The following RARB variants were observed in gnomAD, a reference collection of about 807,000 sequenced individuals.
RARB encodes the protein HBV-activated protein.
Under a neutral mutation model 51.9 loss-of-function variants are expected in RARB, and 17 were observed. The observed-to-expected ratio is 0.33, with a 90% CI of 0.22 to 0.49. RARB has a LOEUF of 0.49. Among genes scored for constraint, RARB ranks in the 20% least tolerant of loss-of-function variants. RARB has a pLI of 0.99. For missense variants in RARB, 369 were observed against 550.8 expected, an observed-to-expected ratio of 0.67 and a Z score of 3.30; for synonymous variants, 215 against 195.4, an observed-to-expected ratio of 1.10 and a Z score of -0.84.
rs1191249117 is a variant in RARB, at chr3:24,992,918, G to GT, written c.-379-67203dup. On this transcript the variant is annotated intron_variant, in intron 2 of 11. Transcript: ENST00000383772. ...CAACCAATTGCATAGATTTATTTGA[G>GT]TTTTCTACTTTTTAAATTATTCTTT... Among the ~76,000 whole-genome samples, 2 of 151,950 alleles carry GT rather than the reference G, an allele frequency of 1.3e-5. 1 individual carries two copies. The highest frequency in any genetic ancestry group is 2.9e-5 in the Non-Finnish European group (2 of 67,958).
At chr3:25,028,573 G>A (rs566522067) in intron 2 of RARB, among the ~76,000 whole-genome samples, 1 of 152,260 alleles carries the variant, frequency 6.6e-6, no homozygotes, top group South Asian at 2.1e-4. Context: ...AACAGTTATA[G>A]GTACAGAGTG....
chr3:24,995,471 C>G (rs866582757), intron 2 of RARB, among the ~76,000 whole-genome samples: 1 of 151,956 alleles, frequency 6.6e-6, no homozygotes, highest in East Asian at 1.9e-4. Context: ...CTTTGTCTTG[C>G]CAAATTTCTC....
chr3:25,534,867 G>A (rs1383458245), intron 3 of RARB, among the ~76,000 whole-genome samples: 1 of 152,114 alleles, frequency 6.6e-6, no homozygotes, highest in Non-Finnish European at 1.5e-5. Flanking sequence ...CTGAGGAGGT[G>A]GAGGCCATCA....
chr3:24,915,713 T>A (rs5015065), intron 2 of RARB, among the ~76,000 whole-genome samples: 1 of 151,960 alleles, frequency 6.6e-6, no homozygotes, highest in Non-Finnish European at 1.5e-5. Flanking sequence ...TCAACTGATA[T>A]GTGACATGAG....
At chr3:25,192,649 T>G (rs1701133102) in intron 5 of RARB, among the ~76,000 whole-genome samples, 1 of 152,006 alleles carries the variant, frequency 6.6e-6, no homozygotes, top group African/African-American at 2.4e-5. Flanking sequence ...TAATTAGGGG[T>G]TACCTCTGGC....
At chr3:25,434,677 G>T (rs1221175189) in intron 1 of RARB, among the ~76,000 whole-genome samples, 2 of 151,744 alleles carry the variant, frequency 1.3e-5, no homozygotes, top group African/African-American at 2.4e-5. Context: ...GAGTAGCTGG[G>T]ACTACAGGCG....
At chr3:25,585,311 T>C (rs1701341686) in intron 5 of RARB, among the ~76,000 whole-genome samples, 1 of 152,116 alleles carries the variant, frequency 6.6e-6, no homozygotes, top group Non-Finnish European at 1.5e-5. Flanking sequence ...ATTTTGCAGG[T>C]GAGGCAGCTG....
At chr3:25,010,897 T>C (rs1022994580) in intron 2 of RARB, among the ~76,000 whole-genome samples, 1 of 152,114 alleles carries the variant, frequency 6.6e-6, no homozygotes, top group Non-Finnish European at 1.5e-5. Flanking sequence ...TTTCTACCAA[T>C]ATCTGCCACT....
chr3:25,037,897 G>T (rs1269687667), intron 2 of RARB, among the ~76,000 whole-genome samples: 3 of 152,118 alleles, frequency 2.0e-5, no homozygotes, highest in Non-Finnish European at 4.4e-5. Context: ...AGATGTGAAA[G>T]GGAGAAAGAG....
At chr3:25,211,903 C>T (rs905579502) in intron 5 of RARB, among the ~76,000 whole-genome samples, 6 of 152,164 alleles carry the variant, frequency 3.9e-5, no homozygotes, top group Admixed American at 3.3e-4. Flanking sequence ...TCTCTTCTTT[C>T]GATCACTTTC....
intron 2 of RARB, among the ~76,000 whole-genome samples, chr3:24,874,548 C>T (rs1056956222): frequency 9.2e-5 from 14 of 152,118 alleles, no homozygotes; most frequent in African/African-American, 2.6e-4. Flanking sequence ...CAACATGTTG[C>T]TGTGATTCTC....
chr3:25,510,594 C>A (rs917498176), intron 3 of RARB, among the ~76,000 whole-genome samples: 1 of 152,088 alleles, frequency 6.6e-6, no homozygotes, highest in Admixed American at 6.6e-5. Flanking sequence ...CCACTGCACT[C>A]CAGCCTGGGC....
intron 5 of RARB, among the ~76,000 whole-genome samples, chr3:25,244,650 A>C (rs1370554813): frequency 6.6e-6 from 1 of 152,134 alleles, no homozygotes; most frequent in Non-Finnish European, 1.5e-5. Context: ...CCTGAGTTCT[A>C]ATTTGATTAC....
At chr3:24,958,955 A>G (rs532832830) in intron 2 of RARB, among the ~76,000 whole-genome samples, 57 of 152,322 alleles carry the variant, frequency 3.7e-4, no homozygotes, top group African/African-American at 1.3e-3. Flanking sequence ...GGGGGATCAC[A>G]CAGGTGAGCC....
At chr3:25,300,782 G>T (rs1284223488) in intron 5 of RARB, among the ~76,000 whole-genome samples, 1 of 152,098 alleles carries the variant, frequency 6.6e-6, no homozygotes, top group African/African-American at 2.4e-5. Flanking sequence ...CTGAGCTCAG[G>T]AGTTTGCGAC....
chr3:25,304,556 C>A (rs1704113761), intron 5 of RARB, among the ~76,000 whole-genome samples: 1 of 152,152 alleles, frequency 6.6e-6, no homozygotes, highest in African/African-American at 2.4e-5. Flanking sequence ...TTTGACTCTT[C>A]TTTCATGCCC....
intron 2 of RARB, among the ~76,000 whole-genome samples, chr3:25,495,659 A>G (rs919474140): frequency 1.3e-5 from 2 of 152,230 alleles, no homozygotes; most frequent in African/African-American, 4.8e-5. Flanking sequence ...GTCAAAGAGC[A>G]TGAGGTAGGA....
At chr3:25,017,029 CA>C (rs1212428804) in intron 2 of RARB, among the ~76,000 whole-genome samples, 1 of 152,100 alleles carries the variant, frequency 6.6e-6, no homozygotes, top group Non-Finnish European at 1.5e-5. Flanking sequence ...ACAAATGAGT[CA>C]CCAAAGTCAG....
intron 3 of RARB, among the ~76,000 whole-genome samples, chr3:25,562,117 C>G (rs1700294066): frequency 6.6e-6 from 1 of 152,112 alleles, no homozygotes; most frequent in African/African-American, 2.4e-5. Flanking sequence ...GTTAAAAGAC[C>G]CACTCACAGT....
Sources: allele counts gnomAD v4.1 joint callset (sites outside exome capture counted in the v4.1 genomes callset), GRCh38; gene constraint gnomAD v4.1.1; transcripts MANE v1.5; gene names NCBI Gene and HGNC (gene_info 2026-07-23, HGNC 2026-07-21).